Variants in CCDC14 observed in about 807,000 individuals in gnomAD.
The protein encoded by CCDC14 is coiled-coil domain containing 14.
Under a neutral mutation model 81.4 loss-of-function variants are expected in CCDC14, and 71 were observed. The observed-to-expected ratio is 0.87, with a 90% CI of 0.72 to 1.06. The LOEUF is 1.06. Ranked by LOEUF, CCDC14 falls within the 50% of genes least tolerant of loss-of-function variation. The pLI, the probability that CCDC14 is intolerant of heterozygous loss-of-function variation, is 0.00. For missense variants in CCDC14, 1,046 were observed against 1,047.3 expected (o/e 1.00, Z 0.02); for synonymous variants, 332 against 364.8 (o/e 0.91, Z 1.03).
At chr3:123,920,563 A>G (rs73857560) in intron 12 of CCDC14, among the ~76,000 whole-genome samples, 2,264 of 152,310 alleles carry the variant, frequency 0.015, 61 homozygotes, top group African/African-American at 0.052. Flanking sequence ...TCTCAACAAA[A>G]ACAACCTGTC....
At position 123,914,904 on chromosome 3, in the gene CCDC14, TCCAG is replaced by T; in HGVS notation, c.2589_2592del (p.Asp863GlufsTer24). The T allele has an allele frequency of 1.2e-6, 2 of 1,614,006 alleles. No homozygotes were observed. The highest frequency in any genetic ancestry group is 1.7e-6 in the Non-Finnish European group (2 of 1,179,886). On this transcript the variant is annotated frameshift_variant, in exon 13 of 13. Coordinates refer to ENST00000409697, the MANE Select transcript of CCDC14 (RefSeq NM_001366335.1). LOFTEE classifies it high-confidence loss of function. ...GTGAACGTTGAAAACGAAGAGATGC[TCCAG>T]TCAGACATCAAGTCAGAAGTGAAAA...
downstream of CCDC14, among the ~76,000 whole-genome samples, chr3:123,896,810 A>T (rs927213134): frequency 6.6e-6 from 1 of 152,178 alleles, no homozygotes; most frequent in Non-Finnish European, 1.5e-5. Context: ...CTGTTATCTT[A>T]TGTATTATTC....
rs2037290741 is a variant in CCDC14, at chr3:123,955,842, C to T, written c.352+1G>A. 1.3e-6 allele frequency: 2 copies of T among 1,504,930 alleles called. No individual in the cohort carries two copies. The highest frequency in any genetic ancestry group is 1.3e-5 in the South Asian group (1 of 77,426). The allele number at this position is 1,504,930 out of a possible 1,614,324, so 93.2% of individuals were successfully genotyped here. A position where few individuals can be genotyped will look rare whatever the true frequency, so the allele number is the denominator to read the frequency against. Reference sequence around the variant, plus strand: ...AAATAACTAAGAGAAAAAAGGCTTACATGTTTCTTTCTGGACTACCAAAGG... The same window carrying T: ...AAATAACTAAGAGAAAAAAGGCTTATATGTTTCTTTCTGGACTACCAAAGG... On this transcript the variant is annotated splice_donor_variant, in intron 5 of 12. Coordinates refer to ENST00000409697, the MANE Select transcript of CCDC14 (RefSeq NM_001366335.1). LOFTEE classifies it high-confidence loss of function.
At chr3:123,896,290 T>C (rs1479305752), downstream of CCDC14, among the ~76,000 whole-genome samples, 1 of 152,166 alleles carries the variant, frequency 6.6e-6, no homozygotes, top group African/African-American at 2.4e-5. Context: ...TATAGAGACC[T>C]CACCAGCAAG....
At chr3:123,953,148 C>T (rs2037128173) in intron 5 of CCDC14, 3 of 154,012 alleles carry the variant, frequency 1.9e-5, no homozygotes. Context: ...CCCTGGTCTC[C>T]CTGGAATGCT....
At chr3:123,942,791 A>C (rs1164403352) in intron 9 of CCDC14, among the ~76,000 whole-genome samples, 2 of 152,090 alleles carry the variant, frequency 1.3e-5, no homozygotes, top group East Asian at 3.8e-4. Flanking sequence ...TCATCACTGA[A>C]ACATTCAAAG....
chr3:123,939,357 G>A (rs1314722555), intron 9 of CCDC14, among the ~76,000 whole-genome samples: 7 of 150,630 alleles, frequency 4.6e-5, no homozygotes. Context: ...TTAGGGTGTA[G>A]TAACTTAACC....
intron 1 of CCDC14, 132 bp downstream of exon 1, chr3:123,961,012 T>A: frequency 3.9e-6 from 3 of 772,850 alleles, no homozygotes; most frequent in Non-Finnish European, 6.1e-6. Flanking sequence ...TCCCTGCACC[T>A]CTGTCCCAGC....
At chr3:123,917,420 G>A (rs1379867639) in intron 12 of CCDC14, among the ~76,000 whole-genome samples, 3 of 151,174 alleles carry the variant, frequency 2.0e-5, no homozygotes, top group African/African-American at 4.8e-5. Context: ...GCTTGAACCC[G>A]GGAGGCAGAG....
chr3:123,909,151 A>G (rs2034386871), downstream of CCDC14, among the ~76,000 whole-genome samples: 1 of 152,106 alleles, frequency 6.6e-6, no homozygotes, highest in African/African-American at 2.4e-5. Flanking sequence ...CTGGGCCTAG[A>G]GATCACAGCC....
chr3:123,912,627 T>C (rs1285494081), downstream of CCDC14, among the ~76,000 whole-genome samples: 1 of 152,146 alleles, frequency 6.6e-6, no homozygotes, highest in African/African-American at 2.4e-5. Flanking sequence ...GCTTTCTAAA[T>C]GGTCTCCAGT....
chr3:123,927,710 A>G (rs543019168), intron 12 of CCDC14, among the ~76,000 whole-genome samples: 8 of 152,194 alleles, frequency 5.3e-5, no homozygotes, highest in Non-Finnish European at 1.0e-4. Flanking sequence ...TGTATCTAAT[A>G]TTCTAGACAG....
intron 12 of CCDC14, among the ~76,000 whole-genome samples, chr3:123,923,026 C>A (rs1920230): frequency 0.12 from 17,532 of 151,920 alleles, 2,442 homozygotes; most frequent in East Asian, 0.35. Flanking sequence ...CTTAAAAAAC[C>A]CTCAACAAAA....
At chr3:123,891,719 T>A in the CCDC14 span, among the ~76,000 whole-genome samples, 1 of 152,260 alleles carries the variant, frequency 6.6e-6, no homozygotes, top group South Asian at 2.1e-4. Context: ...CACATTTTCC[T>A]GTCTTCTTCT....
Position 123,915,713 on chromosome 3 carries a change from A to G in CCDC14, c.1784T>C (p.Leu595Ser). 6.2e-7 allele frequency: 1 copy of G among 1,604,130 alleles called. No homozygotes were observed. Among genetic ancestry groups the G allele is most frequent in the Non-Finnish European group, 8.5e-7 (1 of 1,175,824 alleles). Residue 595 changes from leucine (L) to serine (S), a missense_variant, in exon 13 of 13, where the codon TTA becomes TCA. Physicochemically the swap from Leu to Ser is moderately radical, Grantham distance 145. Transcript: ENST00000409697. ...GAGAAGCTTTGCCATGCTAGTCTGT[A>G]AAGTTCTGTTAAGAAGAATCCAGAA... ...VTRLRELTRT[L>S]QTSMAKLLSD...
chr3:123,929,672 A>G (rs557541528), intron 12 of CCDC14, among the ~76,000 whole-genome samples: 25 of 152,222 alleles, frequency 1.6e-4, no homozygotes, highest in Non-Finnish European at 1.6e-4. Context: ...ATATTCATAG[A>G]GTTGAGAACT....
At chr3:123,900,278 C>A (rs2034152746) in intron 5 of CCDC14, among the ~76,000 whole-genome samples, 1 of 152,090 alleles carries the variant, frequency 6.6e-6, no homozygotes, top group Admixed American at 6.5e-5. Flanking sequence ...TGAATTATCC[C>A]AGCATGTTTT....
chr3:123,952,588 T>G (rs2037081191), intron 5 of CCDC14: 1 of 530,704 alleles, frequency 1.9e-6, no homozygotes, highest in Non-Finnish European at 3.9e-6. Flanking sequence ...CATCATGGTG[T>G]GCTTACCTGA....
the CCDC14 span, among the ~76,000 whole-genome samples, chr3:123,892,054 G>T: frequency 2.0e-5 from 3 of 152,138 alleles, no homozygotes; most frequent in Non-Finnish European, 4.4e-5. Flanking sequence ...ATCAGGTCTC[G>T]TGAGACCCAC....
Sources: allele counts gnomAD v4.1 joint callset (sites outside exome capture counted in the v4.1 genomes callset), GRCh38; gene constraint gnomAD v4.1.1; transcripts MANE v1.5; gene names NCBI Gene and HGNC (gene_info 2026-07-23, HGNC 2026-07-21).